The following TNRC6A variants were observed in gnomAD, a reference collection of about 807,000 sequenced individuals.
TNRC6A encodes the protein trinucleotide repeat containing adaptor 6A.
TNRC6A carries 44 observed loss-of-function variants against 221.2 expected under a neutral mutation model. The ratio of observed to expected loss-of-function variants is 0.20; its 90% CI spans 0.16 to 0.26. The LOEUF is 0.26. TNRC6A is among the 10% of genes least tolerant of loss of function. The probability of loss-of-function intolerance (pLI) is 1.00; values close to 1 mark genes in which losing one functional copy is unlikely to be tolerated. For synonymous variants in TNRC6A, 847 were observed against 838.5 expected (o/e 1.01, Z -0.18); for missense variants, 2,199 against 2,404.4 (o/e 0.91, Z 1.79).
In TNRC6A at chr16:24,816,822, G is replaced by A. The variant is rs764526822; in HGVS notation, c.4838G>A (p.Arg1613His). ...TTTAAATTTCCGTTTCCAGAATTTC[G>A]TCCTGGTGAGCCATGGAAAGGTTAT... ...SSSVNWPPEF[R>H]PGEPWKGYPN... The change falls in exon 20 of 25, where the codon CGT becomes CAT. Residue 1613 changes from arginine (R) to histidine (H), a missense_variant. Arg to His is a conservative substitution (Grantham distance 29). Transcript: ENST00000395799. The A allele has an allele frequency of 9.4e-6, 15 of 1,603,894 alleles. No homozygotes were observed. Among genetic ancestry groups the A allele is most frequent in the East Asian group, 2.2e-5 (1 of 44,808 alleles).
intron 1 of TNRC6A, among the ~76,000 whole-genome samples, chr16:24,636,682 T>C (rs1024215164): frequency 1.3e-5 from 2 of 152,180 alleles, no homozygotes; most frequent in Non-Finnish European, 2.9e-5. Context: ...TATCAATTCA[T>C]AAATATTGAA....
intron 2 of TNRC6A, among the ~76,000 whole-genome samples, chr16:24,737,361 T>TAA (rs1050078538): frequency 2.0e-5 from 3 of 151,782 alleles, no homozygotes; most frequent in East Asian, 3.8e-4. Context: ...CTTTCCATCT[T>TAA]AAAAAAAAGC....
At position 24,795,823 on chromosome 16, in the gene TNRC6A, GA is replaced by G. The variant is rs2058207866; in HGVS notation, c.3529-83del. On this transcript the variant is annotated intron_variant, in intron 8 of 24. Coordinates refer to ENST00000395799, the MANE Select transcript of TNRC6A (RefSeq NM_014494.4). The stretch of plus-strand genomic sequence containing the variant: ...GATAACTAGTAAGCGACAGAGTAAG[GA>G]CTTAAGTTTAGGTCTTCCAGTTCCA... 3.0e-6 allele frequency: 4 copies of G among 1,341,440 alleles called. No homozygotes were observed. The Admixed American group carries it at 7.0e-5, about 23-fold the overall frequency. The allele number at this position is 1,341,440 out of a possible 1,614,324, so 83.1% of individuals were successfully genotyped here. A position where few individuals can be genotyped will look rare whatever the true frequency, so the allele number is the denominator to read the frequency against.
chr16:24,753,480 A>G (rs528047450), intron 3 of TNRC6A, among the ~76,000 whole-genome samples: 1 of 152,364 alleles, frequency 6.6e-6, no homozygotes, highest in Admixed American at 6.5e-5. Context: ...CCAAATTTCA[A>G]ATAATCAGCT....
At position 24,816,879 on chromosome 16, in the gene TNRC6A, T is replaced by C. The variant is rs754876892; in HGVS notation, c.4895T>C (p.Val1632Ala). The change falls in exon 20 of 25, where the codon GTC becomes GCC. Residue 1632 changes from valine to alanine, a missense_variant. Val to Ala is a moderately conservative substitution (Grantham distance 64, BLOSUM62 0). Coordinates refer to ENST00000395799, the MANE Select transcript of TNRC6A (RefSeq NM_014494.4). ...ATTGACCCTGAAACTGACCCTTACGTCACTCCTGGCAGTGTCATAAACAAT... is the reference window on the plus strand; with the variant it reads ...ATTGACCCTGAAACTGACCCTTACGCCACTCCTGGCAGTGTCATAAACAAT... ...PNIDPETDPY[V>A]TPGSVINNLS... The C allele has an allele frequency of 1.2e-6, 2 of 1,614,186 alleles. No individual in the cohort carries two copies. The highest frequency in any genetic ancestry group is 1.7e-6 in the Non-Finnish European group (2 of 1,180,028).
chr16:24,668,054 A>G (rs2055210471), intron 2 of TNRC6A, among the ~76,000 whole-genome samples: 1 of 152,018 alleles, frequency 6.6e-6, no homozygotes, highest in South Asian at 2.1e-4. Flanking sequence ...TAGGCTGGGT[A>G]TGGTGGCTCA....
intron 2 of TNRC6A, among the ~76,000 whole-genome samples, chr16:24,749,945 G>T (rs749595092): frequency 6.6e-6 from 1 of 152,140 alleles, no homozygotes; most frequent in Non-Finnish European, 1.5e-5. Context: ...TTTGAGACCA[G>T]CCTGGCCAAC....
At chr16:24,764,180 G>A (rs954628868) in intron 4 of TNRC6A, among the ~76,000 whole-genome samples, 2 of 151,360 alleles carry the variant, frequency 1.3e-5, no homozygotes, top group African/African-American at 2.4e-5. Context: ...TTGTAAGTGA[G>A]ATCTTGGCAG....
chr16:24,730,041 C>T (rs897285439), intron 1 of TNRC6A, among the ~76,000 whole-genome samples, 195 bp downstream of exon 1: 23 of 148,184 alleles, frequency 1.6e-4, no homozygotes, highest in Non-Finnish European at 3.3e-4. Context: ...CGCCGCGCCG[C>T]GGGGGCCAGG....
chr16:24,745,497 T>G lies in TNRC6A; in HGVS notation c.54-5229T>G, dbSNP rs141901321. Among the ~76,000 whole-genome samples the G allele has an allele frequency of 7.9e-5, 12 of 152,236 alleles. No homozygotes were observed. In the East Asian group the frequency reaches 1.9e-3, roughly 24 times the overall value. On this transcript the variant is annotated intron_variant, in intron 2 of 24. Coordinates refer to ENST00000395799, the MANE Select transcript of TNRC6A (RefSeq NM_014494.4). ...ATGTTTTTTGGCAGAAGATGTAAAG[T>G]GTATTTTTATTTCTAGCTTGTAACA...
At chr16:24,687,087 T>A (rs564251690) in intron 2 of TNRC6A, among the ~76,000 whole-genome samples, 1 of 152,310 alleles carries the variant, frequency 6.6e-6, no homozygotes, top group South Asian at 2.1e-4. Flanking sequence ...AGAACAATGC[T>A]TTTAGTCTTG....
At chr16:24,746,318 T>C (rs921189829) in intron 2 of TNRC6A, among the ~76,000 whole-genome samples, 1 of 152,162 alleles carries the variant, frequency 6.6e-6, no homozygotes, top group Admixed American at 6.5e-5. Flanking sequence ...CCCAGTACTT[T>C]GGTAGGCCGA....
Position 24,823,874 on chromosome 16 carries a change from G to T in TNRC6A, c.*67G>T. On this transcript the variant is annotated 3_prime_UTR_variant, in exon 25 of 25. Coordinates refer to ENST00000395799, the MANE Select transcript of TNRC6A (RefSeq NM_014494.4). The surrounding 1 kb of genome is among the most constrained non-coding windows in gnomAD (Gnocchi z 4.3). ...GGGAAAGGAGCACTAAGTGGGGCTCGCCGCCTGCAGCCAGGGGCCGCCTGT... is the reference window on the plus strand; with the variant it reads ...GGGAAAGGAGCACTAAGTGGGGCTCTCCGCCTGCAGCCAGGGGCCGCCTGT... 7.4e-7 allele frequency: 1 copy of T among 1,358,200 alleles called. No individual in the cohort carries two copies. 84.1% of individuals were successfully genotyped at this position (1,358,200 alleles called of 1,614,324 possible).
intron 2 of TNRC6A, chr16:24,664,044 G>T: frequency 2.3e-6 from 1 of 432,602 alleles, no homozygotes; most frequent in South Asian, 1.6e-5. Context: ...AAGGTAAGGA[G>T]GCTGGGAGTG....
intron 2 of TNRC6A, among the ~76,000 whole-genome samples, chr16:24,694,547 C>G (rs1039382651): frequency 2.7e-5 from 4 of 150,382 alleles, no homozygotes; most frequent in African/African-American, 7.3e-5. Flanking sequence ...CCCAGCTACT[C>G]AGGAGGCTGA....
intron 1 of TNRC6A, among the ~76,000 whole-genome samples, chr16:24,614,543 G>A (rs1390916895): frequency 2.0e-5 from 3 of 152,156 alleles, no homozygotes; most frequent in African/African-American, 7.2e-5. Flanking sequence ...GAACAAGCAC[G>A]GGTCTGTTTT....
chr16:24,666,657 AAAAAAAAAAAAATAT>A (rs957259222), intron 2 of TNRC6A, among the ~76,000 whole-genome samples: 2 of 127,192 alleles, frequency 1.6e-5, no homozygotes, highest in African/African-American at 6.5e-5. Flanking sequence ...AAAAAAAAAA[AAAAAAAAAAAAATAT>A]ATATATATAT....
upstream of TNRC6A, among the ~76,000 whole-genome samples, chr16:24,725,876 T>C (rs1459769112): frequency 2.0e-5 from 3 of 151,914 alleles, no homozygotes; most frequent in Non-Finnish European, 4.4e-5. Flanking sequence ...GGCACACGTC[T>C]GTAATCCTAG....
rs934753446 is a variant in TNRC6A at position 24,824,583 on chromosome 16, GAAA to G, written c.*783_*785del. 2 of 143,622 alleles carry G rather than the reference GAAA, an allele frequency of 1.4e-5. No homozygotes were observed. Among genetic ancestry groups the G allele is most frequent in the Non-Finnish European group, 3.1e-5 (2 of 65,430 alleles). The allele number at this position is 143,622 out of a possible 1,614,324, so 8.9% of individuals were successfully genotyped here. On this transcript the variant is annotated 3_prime_UTR_variant, in exon 25 of 25. Coordinates refer to ENST00000395799, the MANE Select transcript of TNRC6A (RefSeq NM_014494.4). ...ACAGATTTTTTTGTTTGTTTTTTGA[GAAA>G]AAAAAATGTTTACTCTTCCATCATT... is the stretch of plus-strand genomic sequence containing the variant.
Sources: gnomAD v4.1 joint callset for allele counts (sites outside exome capture counted in the v4.1 genomes callset) on GRCh38, gnomAD v4.1.1 for gene constraint, Gnocchi (gnomAD v3.1) non-coding constraint, MANE v1.5 for transcripts, NCBI Gene and HGNC (gene_info 2026-07-23, HGNC 2026-07-21) for gene names.